Variants in POLR3B observed in about 807,000 individuals in gnomAD.
The protein encoded by POLR3B is RNA polymerase III subunit B, also known as DNA-directed RNA polymerase III subunit RPC2.
In POLR3B, 96 loss-of-function variants were observed where a neutral mutation model predicts 147.4. The observed-to-expected ratio is 0.65, with a 90% confidence interval of 0.55 to 0.77. The LOEUF (loss-of-function observed/expected upper bound fraction) is 0.77. Ranked by LOEUF, POLR3B falls within the 30% of genes least tolerant of loss-of-function variation. The probability of loss-of-function intolerance (pLI) is 0.00; values close to 1 mark genes in which losing one functional copy is unlikely to be tolerated. For missense variants in POLR3B, 1,036 were observed against 1,413.5 expected (o/e 0.73, Z 4.28); for synonymous variants, 461 against 485.9 (o/e 0.95, Z 0.67).
chr12:106,453,571 A>T (rs1024974303), intron 19 of POLR3B, among the ~76,000 whole-genome samples: 6 of 151,868 alleles, frequency 4.0e-5, no homozygotes, highest in Admixed American at 3.3e-4. Context: ...GGAGAAGTTA[A>T]AGAGGCTCAG....
chr12:106,426,061 G>A (rs1457358173), intron 12 of POLR3B, among the ~76,000 whole-genome samples: 1 of 151,966 alleles, frequency 6.6e-6, no homozygotes, highest in Non-Finnish European at 1.5e-5. Context: ...TATTTGTATG[G>A]TTTCCAGATT....
rs529559684 is a variant in POLR3B, at chr12:106,361,348, G to A, written c.73-2522G>A. Among the ~76,000 whole-genome samples, 9 of 152,260 alleles carry A rather than the reference G, an allele frequency of 5.9e-5. No individual in the cohort carries two copies. The South Asian group carries it at 1.9e-3, about 32-fold the overall frequency. ...GAAGAGTCAGAAAGTTAGGACTCCC[G>A]GGTATCTAATTTGGGATTGACTGGG... On this transcript the variant is annotated intron_variant, in intron 1 of 27. Coordinates refer to ENST00000228347, the MANE Select transcript of POLR3B (RefSeq NM_018082.6).
intron 15 of POLR3B, among the ~76,000 whole-genome samples, chr12:106,433,451 C>T (rs1268786052): frequency 1.3e-5 from 2 of 152,012 alleles, no homozygotes; most frequent in Non-Finnish European, 2.9e-5. Flanking sequence ...TTGTTTGGAC[C>T]CCAAGTTCAT....
rs561256770 is a variant in POLR3B, at chr12:106,403,638, T to G, written c.847-2219T>G. On this transcript the variant is annotated intron_variant, in intron 10 of 27. Transcript: ENST00000228347. ...TGGAATACTATGCAGCCATAAAAAA[T>G]GATGAATTCATGTCCTTTGTAGGGA... Among the ~76,000 whole-genome samples, 430 of 151,896 alleles carry G rather than the reference T, an allele frequency of 2.8e-3. 4 individuals carry two copies. Among genetic ancestry groups the G allele is most frequent in the African/African-American group, 9.8e-3 (405 of 41,404 alleles).
In POLR3B at chr12:106,453,727, G is replaced by A. The variant is rs151285679; in HGVS notation, c.2084-775G>A. Among the ~76,000 whole-genome samples the A allele has an allele frequency of 4.9e-4, 75 of 152,188 alleles. 1 individual carries two copies. Among genetic ancestry groups the A allele is most frequent in the Admixed American group, 2.0e-3 (31 of 15,274 alleles). On this transcript the variant is annotated intron_variant, in intron 19 of 27. Coordinates refer to ENST00000228347, the MANE Select transcript of POLR3B (RefSeq NM_018082.6). Reference sequence around the variant, plus strand: ...GCATGAACCCCAGTGTGTTTATAAGGGGAAATGAGAGAAAGGGTTAACATT... The same window carrying A: ...GCATGAACCCCAGTGTGTTTATAAGAGGAAATGAGAGAAAGGGTTAACATT...
intron 25 of POLR3B, among the ~76,000 whole-genome samples, chr12:106,498,383 A>G (rs1360486501): frequency 6.6e-6 from 1 of 152,218 alleles, no homozygotes; most frequent in African/African-American, 2.4e-5. Flanking sequence ...TGTGAGAAAC[A>G]GATCTCTGCA....
chr12:106,371,269 C>G (rs559199212), intron 6 of POLR3B, among the ~76,000 whole-genome samples: 8 of 152,248 alleles, frequency 5.3e-5, no homozygotes, highest in South Asian at 2.1e-4. Flanking sequence ...GAATGGCAAT[C>G]ATTAAAAAGT....
chr12:106,476,006 G>GTTTA (rs2038164702), intron 23 of POLR3B, among the ~76,000 whole-genome samples: 1 of 145,662 alleles, frequency 6.9e-6, no homozygotes, highest in Non-Finnish European at 1.5e-5. Flanking sequence ...GGCTGGTACC[G>GTTTA]GTTGTTCCTT....
At chr12:106,457,684 A>G (rs1382828555) in intron 21 of POLR3B, among the ~76,000 whole-genome samples, 1 of 152,212 alleles carries the variant, frequency 6.6e-6, no homozygotes, top group Non-Finnish European at 1.5e-5. Context: ...ACAAACTTGT[A>G]ATGCATTTTG....
Position 106,504,307 on chromosome 12 carries a change from A to G in POLR3B, c.3272+53A>G. ...CCACACCCCTTGCCTCTTAAATCACAGCTCAAGAATTGACCCTGGATCCTA... is the reference window on the plus strand; with the variant it reads ...CCACACCCCTTGCCTCTTAAATCACGGCTCAAGAATTGACCCTGGATCCTA... On this transcript the variant is annotated intron_variant, in intron 27 of 27. Coordinates refer to ENST00000228347, the MANE Select transcript of POLR3B (RefSeq NM_018082.6). This position sits in a 1 kb window ranked among gnomAD's most constrained non-coding sequence, Gnocchi z 4.6. 1 of 1,448,090 alleles carries G rather than the reference A, an allele frequency of 6.9e-7. No homozygotes were observed. The highest frequency in any genetic ancestry group is 1.8e-4 in the Middle Eastern group (1 of 5,688). 89.7% of individuals were successfully genotyped at this position (1,448,090 alleles called of 1,614,324 possible).
At chr12:106,478,569 C>T (rs1260218268) in intron 23 of POLR3B, among the ~76,000 whole-genome samples, 1 of 151,818 alleles carries the variant, frequency 6.6e-6, no homozygotes, top group African/African-American at 2.4e-5. Context: ...CCTAGATTCC[C>T]TTGATAGTCC....
At chr12:106,392,919 A>G (rs554906670) in intron 9 of POLR3B, 112 bp from the exon 10 acceptor site, 565 of 1,340,794 alleles carry the variant, frequency 4.2e-4, no homozygotes, top group Middle Eastern at 1.3e-3. Context: ...CTGAGAGAAG[A>G]GCTAGCTTTT....
At chr12:106,486,926 A>G (rs1264807749) in intron 23 of POLR3B, among the ~76,000 whole-genome samples, 1 of 152,194 alleles carries the variant, frequency 6.6e-6, no homozygotes, top group Non-Finnish European at 1.5e-5. Flanking sequence ...ATTTGGCTAG[A>G]TGTGACAGTA....
At chr12:106,380,411 C>CA (rs147457953) in intron 9 of POLR3B, among the ~76,000 whole-genome samples, 393 of 98,846 alleles carry the variant, frequency 4.0e-3, no homozygotes, top group Middle Eastern at 0.018. Context: ...CCATCTCTAC[C>CA]AAAAAAAAAA....
In POLR3B at chr12:106,393,491, T is replaced by TTGTGTG. The variant is rs71072674; in HGVS notation, c.846+372_846+377dup. On this transcript the variant is annotated intron_variant, in intron 10 of 27. Transcript: ENST00000228347. ...CTATGGCAACTCTCGTGTACAGGTT[T>TTGTGTG]TGTGTGTGTGTGTGTGTGTGTGTGT... Among the ~76,000 whole-genome samples, 784 of 141,436 alleles carry TTGTGTG rather than the reference T, an allele frequency of 5.5e-3. 12 individuals carry two copies. Among genetic ancestry groups the TTGTGTG allele is most frequent in the African/African-American group, 0.019 (714 of 37,134 alleles). 92.8% of individuals were successfully genotyped at this position (141,436 alleles called of 152,430 possible).
At position 106,496,473 on chromosome 12, in the gene POLR3B, T is replaced by C. The variant is rs563144251; in HGVS notation, c.2818-279T>C. On this transcript the variant is annotated intron_variant, in intron 24 of 27. Transcript: ENST00000228347. ...CCCTTTCAGTGATTATTTTTAGTGA[T>C]CCTGGCTCCACCTCTTACCAGCTGT... The C allele has an allele frequency of 1.8e-3, 1,094 of 598,138 alleles. 4 individuals carry two copies. Among genetic ancestry groups the C allele is most frequent in the Non-Finnish European group, 2.4e-3 (807 of 338,140 alleles). The allele number at this position is 598,138 out of a possible 1,614,324, so 37.1% of individuals were successfully genotyped here.
At chr12:106,484,693 G>A (rs1828392704) in intron 23 of POLR3B, among the ~76,000 whole-genome samples, 1 of 151,898 alleles carries the variant, frequency 6.6e-6, no homozygotes. Flanking sequence ...TTAGAGGTGG[G>A]GGTGTGTACT....
At chr12:106,483,784 G>A (rs943378519) in intron 23 of POLR3B, among the ~76,000 whole-genome samples, 1 of 152,170 alleles carries the variant, frequency 6.6e-6, no homozygotes, top group Non-Finnish European at 1.5e-5. Context: ...GTGCTCAAGA[G>A]TCTATAAGTT....
chr12:106,432,264 G>A (rs2037520470), intron 14 of POLR3B, 54 bp from the exon 15 acceptor site: 2 of 1,515,840 alleles, frequency 1.3e-6, no homozygotes, highest in South Asian at 1.1e-5. Context: ...GATGTAAACT[G>A]TACTTTGTAT....
Sources: gnomAD v4.1 joint callset for allele counts (sites outside exome capture counted in the v4.1 genomes callset) on GRCh38, gnomAD v4.1.1 for gene constraint, Gnocchi (gnomAD v3.1) non-coding constraint, MANE v1.5 for transcripts, NCBI Gene and HGNC (gene_info 2026-07-23, HGNC 2026-07-21) for gene names.